Variants in UBE2E2 observed in about 807,000 individuals in gnomAD.
The protein encoded by UBE2E2 is ubiquitin-conjugating enzyme E2 E2.
Under a neutral mutation model 24.7 loss-of-function variants are expected in UBE2E2, and 6 were observed. The ratio of observed to expected loss-of-function variants is 0.24; its 90% CI spans 0.13 to 0.48. The LOEUF (loss-of-function observed/expected upper bound fraction) is 0.48, where lower values mean the gene tolerates loss of function less well. Ranked by LOEUF, UBE2E2 falls within the 20% of genes least tolerant of loss-of-function variation. The pLI is 0.99. For synonymous variants in UBE2E2, 104 were observed against 83.6 expected (o/e 1.24, Z -1.33); for missense variants, 169 against 245.0 (o/e 0.69, Z 2.07).
At position 23,358,941 on chromosome 3, in the gene UBE2E2, A is replaced by G. The variant is rs148049261; in HGVS notation, c.228-140667A>G. Among the ~76,000 whole-genome samples, 265 of 152,306 alleles carry G rather than the reference A, an allele frequency of 1.7e-3. 3 individuals are homozygous for G. Among genetic ancestry groups the G allele is most frequent in the African/African-American group, 6.0e-3 (251 of 41,570 alleles). On this transcript the variant is annotated intron_variant, in intron 3 of 5. Coordinates refer to ENST00000396703, the MANE Select transcript of UBE2E2 (RefSeq NM_152653.4). ...TCCAGTAAATTGACCAAGGGTACCT[A>G]GCCACAAAGTGTTAGAAGCAAAATT...
chr3:23,483,782 T>C (rs1699304975), intron 3 of UBE2E2, among the ~76,000 whole-genome samples: 1 of 152,252 alleles, frequency 6.6e-6, no homozygotes, highest in South Asian at 2.1e-4. Flanking sequence ...TTCTGATTCA[T>C]CTGGTCTGAT....
chr3:23,528,644 C>T (rs1695053388), intron 4 of UBE2E2, among the ~76,000 whole-genome samples: 1 of 152,182 alleles, frequency 6.6e-6, no homozygotes, highest in African/African-American at 2.4e-5. Flanking sequence ...TTGGTGTGCA[C>T]GCGTGAACCC....
intron 3 of UBE2E2, among the ~76,000 whole-genome samples, chr3:23,396,787 C>T (rs1337277251): frequency 6.6e-6 from 1 of 152,064 alleles, no homozygotes. Flanking sequence ...AGTGAGCACT[C>T]AATAAATGTT....
At chr3:23,473,889 T>C (rs185798128) in intron 3 of UBE2E2, among the ~76,000 whole-genome samples, 63 of 152,178 alleles carry the variant, frequency 4.1e-4, no homozygotes, top group Admixed American at 1.8e-3. Flanking sequence ...CTTTTTCATA[T>C]AATGACTTCT....
chr3:23,231,479 C>T (rs1696972281), intron 3 of UBE2E2, among the ~76,000 whole-genome samples: 1 of 152,110 alleles, frequency 6.6e-6, no homozygotes, highest in South Asian at 2.1e-4. Context: ...TCTTATTAAA[C>T]AATAGTCAAC....
chr3:23,475,381 T>C (rs1699105061), intron 3 of UBE2E2, among the ~76,000 whole-genome samples: 1 of 151,996 alleles, frequency 6.6e-6, no homozygotes, highest in African/African-American at 2.4e-5. Context: ...TCCTCCAAAC[T>C]CAATATGATC....
At chr3:23,455,414 CT>C (rs1194214580) in intron 3 of UBE2E2, among the ~76,000 whole-genome samples, 1 of 152,090 alleles carries the variant, frequency 6.6e-6, no homozygotes, top group Non-Finnish European at 1.5e-5. Context: ...ATGCATATAC[CT>C]TAATAACAAG....
intron 3 of UBE2E2, among the ~76,000 whole-genome samples, chr3:23,269,276 T>TG (rs1297786858): frequency 6.6e-6 from 1 of 151,992 alleles, no homozygotes; most frequent in African/African-American, 2.4e-5. Flanking sequence ...ACCTACAAAA[T>TG]GGGAGAAAAT....
In UBE2E2 at chr3:23,556,454, T is replaced by TTAAAAAAAAAAAAAAAAAAAAAAA. The variant is rs1553620573; in HGVS notation, c.508+23753_508+23754insTAAAAAAAAAAAAAAAAAAAAAAA. On this transcript the variant is annotated intron_variant, in intron 5 of 5. Transcript: ENST00000396703. ...CCATGCCCAGCCAATAAAATTTATT[T>TTAAAAAAAAAAAAAAAAAAAAAAA]AAAAAAAAAAAAAAAAAAGCTATAC... Among the ~76,000 whole-genome samples the TTAAAAAAAAAAAAAAAAAAAAAAA allele has an allele frequency of 3.2e-5, 3 of 94,336 alleles. 1 individual carries two copies. The highest frequency in any genetic ancestry group is 6.2e-5 in the Non-Finnish European group (3 of 48,026). The allele number at this position is 94,336 out of a possible 152,430, so 61.9% of individuals were successfully genotyped here. A position where few individuals can be genotyped will look rare whatever the true frequency, so the allele number is the denominator to read the frequency against.
At chr3:23,510,235 C>T (rs1007376681) in intron 4 of UBE2E2, among the ~76,000 whole-genome samples, 2 of 152,110 alleles carry the variant, frequency 1.3e-5, no homozygotes, top group East Asian at 1.9e-4. Flanking sequence ...CCTGTCCTTT[C>T]GCAGGTGTGG....
chr3:23,567,034 C>T (rs1437907596), intron 5 of UBE2E2, among the ~76,000 whole-genome samples: 1 of 152,118 alleles, frequency 6.6e-6, no homozygotes, highest in Non-Finnish European at 1.5e-5. Flanking sequence ...ATTTCCAGAC[C>T]AGTCTTAGTG....
At chr3:23,219,370 G>A (rs943444146) in intron 3 of UBE2E2, among the ~76,000 whole-genome samples, 3 of 152,138 alleles carry the variant, frequency 2.0e-5, no homozygotes, top group African/African-American at 7.2e-5. Flanking sequence ...GTGCATCACT[G>A]TGGTCTTTGG....
chr3:23,455,931 A>G (rs1409794213), intron 3 of UBE2E2, among the ~76,000 whole-genome samples: 1 of 152,142 alleles, frequency 6.6e-6, no homozygotes, highest in Non-Finnish European at 1.5e-5. Context: ...TGTAGCATGA[A>G]CAGTTGTTTG....
intron 3 of UBE2E2, among the ~76,000 whole-genome samples, chr3:23,380,804 G>A (rs1165437447): frequency 6.6e-6 from 1 of 152,124 alleles, no homozygotes; most frequent in East Asian, 1.9e-4. Context: ...TACAGTGTAG[G>A]TTAAGTGATT....
At chr3:23,569,898 A>G (rs190289833) in intron 5 of UBE2E2, among the ~76,000 whole-genome samples, 52 of 152,262 alleles carry the variant, frequency 3.4e-4, no homozygotes, top group African/African-American at 1.1e-3. Flanking sequence ...TATGAGCACT[A>G]TTGACTCAAG....
chr3:23,290,877 G>C (rs1054503078), intron 3 of UBE2E2, among the ~76,000 whole-genome samples: 10 of 136,392 alleles, frequency 7.3e-5, no homozygotes, highest in African/African-American at 8.4e-5. Context: ...CAACATAGCA[G>C]GACTGTGTGT....
intron 5 of UBE2E2, among the ~76,000 whole-genome samples, chr3:23,560,134 A>G (rs1336531172): frequency 1.3e-5 from 2 of 152,048 alleles, no homozygotes; most frequent in Non-Finnish European, 2.9e-5. Flanking sequence ...ATATATATAC[A>G]TGTGCCATGT....
chr3:23,580,204 G>A (rs1470297086), intron 5 of UBE2E2, among the ~76,000 whole-genome samples: 3 of 152,184 alleles, frequency 2.0e-5, no homozygotes, highest in Non-Finnish European at 4.4e-5. Flanking sequence ...GCTTGATTCC[G>A]ATTTTGAAAG....
chr3:23,344,583 A>G lies in UBE2E2; in HGVS notation c.227+127271A>G, dbSNP rs146792204. Among the ~76,000 whole-genome samples, 453 of 152,226 alleles carry G rather than the reference A, an allele frequency of 3.0e-3. 5 individuals are homozygous for G. Among genetic ancestry groups the G allele is most frequent in the African/African-American group, 0.01 (423 of 41,524 alleles). On this transcript the variant is annotated intron_variant, in intron 3 of 5. Coordinates refer to ENST00000396703, the MANE Select transcript of UBE2E2 (RefSeq NM_152653.4). Reference sequence around the variant, plus strand: ...AAATGAGTGAATGAATGAAGATATTAAGAATTAAAGTACTGATGTTAATGA... The same window carrying G: ...AAATGAGTGAATGAATGAAGATATTGAGAATTAAAGTACTGATGTTAATGA...
Sources: allele counts gnomAD v4.1 joint callset (sites outside exome capture counted in the v4.1 genomes callset), GRCh38; gene constraint gnomAD v4.1.1; transcripts MANE v1.5; gene names NCBI Gene and HGNC (gene_info 2026-07-23, HGNC 2026-07-21).